Variants in IRAG1 observed in about 807,000 individuals in gnomAD.
IRAG1 encodes inositol 1,4,5-triphosphate receptor associated 1, also known as IP3R-associated cGMP kinase substrate.
IRAG1 carries 62 observed loss-of-function variants against 106.2 expected under a neutral mutation model. The ratio of observed to expected loss-of-function variants is 0.58; its 90% CI spans 0.48 to 0.72. The LOEUF is 0.72. Among genes scored for constraint, IRAG1 ranks in the 30% least tolerant of loss-of-function variants. The probability of loss-of-function intolerance (pLI) is 0.00; values close to 1 mark genes in which losing one functional copy is unlikely to be tolerated. For missense variants in IRAG1, 1,064 were observed against 1,140.7 expected (o/e 0.93, Z 0.97); for synonymous variants, 462 against 443.9 (o/e 1.04, Z -0.51).
chr11:10,690,128 C>T (rs1046282306), intron 1 of IRAG1: 3 of 227,660 alleles, frequency 1.3e-5, no homozygotes, highest in Non-Finnish European at 1.8e-5. Context: ...CGATGGCTCA[C>T]GCCTATAATC....
At chr11:10,597,842 T>G (rs1357853521) in intron 15 of IRAG1, among the ~76,000 whole-genome samples, 1 of 152,236 alleles carries the variant, frequency 6.6e-6, no homozygotes, top group Admixed American at 6.5e-5. Context: ...AGAGGAATCC[T>G]GTGTGTCCAG....
chr11:10,629,352 C>T (rs1026921496), intron 5 of IRAG1, among the ~76,000 whole-genome samples, 186 bp downstream of exon 5: 6 of 152,280 alleles, frequency 3.9e-5, no homozygotes, highest in Admixed American at 3.3e-4. Context: ...GCCTAGGATC[C>T]TTCCCAGCAC....
intron 18 of IRAG1, chr11:10,589,027 G>A (rs1308648376): frequency 6.6e-6 from 1 of 152,062 alleles, no homozygotes; most frequent in African/African-American, 2.4e-5. Flanking sequence ...AGGTTTCTAG[G>A]CCCTTGGTGA....
intron 18 of IRAG1, among the ~76,000 whole-genome samples, chr11:10,585,472 AGGCTG>A (rs980055631): frequency 1.3e-5 from 2 of 151,960 alleles, no homozygotes; most frequent in Admixed American, 1.3e-4. Context: ...CTCAAAAAGT[AGGCTG>A]AGGCATGAGA....
chr11:10,579,082 A>C (rs1851126693), intron 20 of IRAG1, among the ~76,000 whole-genome samples: 1 of 152,162 alleles, frequency 6.6e-6, no homozygotes, highest in African/African-American at 2.4e-5. Flanking sequence ...TAGGGATTGC[A>C]CTTTAATTGT....
chr11:10,680,042 G>A (rs1861022304), intron 1 of IRAG1, among the ~76,000 whole-genome samples: 2 of 151,966 alleles, frequency 1.3e-5, no homozygotes, highest in Admixed American at 6.6e-5. Flanking sequence ...GGGAGGCTCA[G>A]GCAGGTAGAT....
chr11:10,615,287 T>C (rs1457764613), intron 10 of IRAG1, among the ~76,000 whole-genome samples: 1 of 152,134 alleles, frequency 6.6e-6, no homozygotes, highest in African/African-American at 2.4e-5. Flanking sequence ...AAACAACAGG[T>C]GCTGGAGAGG....
At chr11:10,591,354 A>G (rs142105497) in intron 18 of IRAG1, among the ~76,000 whole-genome samples, 194 bp downstream of exon 18, 1 of 152,212 alleles carries the variant, frequency 6.6e-6, no homozygotes, top group African/African-American at 2.4e-5. Flanking sequence ...GGCCTCACTC[A>G]GGGCATCTTC....
intron 1 of IRAG1, among the ~76,000 whole-genome samples, chr11:10,667,984 T>C (rs1367148680): frequency 6.6e-6 from 1 of 152,188 alleles, no homozygotes. Context: ...TCTCTGTTTT[T>C]TCTCCAGCCA....
At chr11:10,662,416 T>C (rs993465454) in intron 1 of IRAG1, among the ~76,000 whole-genome samples, 6 of 152,334 alleles carry the variant, frequency 3.9e-5, no homozygotes, top group African/African-American at 1.2e-4. Flanking sequence ...ATTTCTCCCA[T>C]AGTATTCTAC....
chr11:10,671,569 G>T (rs1860225765), intron 1 of IRAG1, among the ~76,000 whole-genome samples: 1 of 152,014 alleles, frequency 6.6e-6, no homozygotes, highest in African/African-American at 2.4e-5. Flanking sequence ...AAAATTAGCA[G>T]GGCATGGTGG....
At chr11:10,630,944 G>T (rs1273836664) in intron 4 of IRAG1, among the ~76,000 whole-genome samples, 1 of 152,208 alleles carries the variant, frequency 6.6e-6, no homozygotes, top group Admixed American at 6.5e-5. Flanking sequence ...GGATTGGCTC[G>T]GGGATGGCCA....
At chr11:10,675,425 T>G (rs1860577976) in intron 1 of IRAG1, among the ~76,000 whole-genome samples, 1 of 152,138 alleles carries the variant, frequency 6.6e-6, no homozygotes, top group Non-Finnish European at 1.5e-5. Flanking sequence ...GTCCAAGAAC[T>G]TTAACCCTGC....
At chr11:10,693,401 C>A (rs1862215376) in intron 1 of IRAG1, 135 bp downstream of exon 1, 6 of 1,435,866 alleles carry the variant, frequency 4.2e-6, no homozygotes, top group Non-Finnish European at 5.5e-6. Context: ...GAAATGCCAC[C>A]CAACAAAGCC....
At chr11:10,662,308 C>T (rs1004594312) in intron 1 of IRAG1, among the ~76,000 whole-genome samples, 1 of 152,150 alleles carries the variant, frequency 6.6e-6, no homozygotes, top group African/African-American at 2.4e-5. Flanking sequence ...CTTGCCTGCC[C>T]TCATTCTCAT....
chr11:10,677,666 C>A (rs1258118915), intron 1 of IRAG1, among the ~76,000 whole-genome samples: 1 of 152,152 alleles, frequency 6.6e-6, no homozygotes. Flanking sequence ...TTGAAGTGTA[C>A]AATTCAGTGG....
rs551251525 is a variant in IRAG1 at position 10,644,716 on chromosome 11, G to C, written c.225+7309C>G. ...TCCCTACTCTACACAGTCCTTACCA[G>C]GTTCCAAGTGTTTTACATGCTTTAT... On this transcript the variant is annotated intron_variant, in intron 2 of 20. Coordinates refer to ENST00000423302, the MANE Select transcript of IRAG1 (RefSeq NM_130385.4). 9.8e-5 allele frequency among the ~76,000 whole-genome samples: 15 copies of C among 152,338 alleles called. No individual in the cohort carries two copies. In the East Asian group the frequency reaches 2.9e-3, roughly 29 times the overall value.
In IRAG1 at chr11:10,633,978, G is replaced by C. The variant is rs765007735; in HGVS notation, c.319C>G (p.Leu107Val). Residue 107 changes from leucine (L) to valine (V), a missense_variant, in exon 3 of 21, where the codon CTG becomes GTG. Transcript: ENST00000423302. ...TSPEGETDKN[L>V]ANRVHSPHKR... ...ATCAGGCACCTGTACCTGTTGGCCAGGTTTTTGTCGGTTTCTCCTTCTGGT... is the reference window on the plus strand; with the variant it reads ...ATCAGGCACCTGTACCTGTTGGCCACGTTTTTGTCGGTTTCTCCTTCTGGT... 1.9e-6 allele frequency: 3 copies of C among 1,610,520 alleles called. No individual in the cohort carries two copies. The highest frequency in any genetic ancestry group is 1.3e-5 in the African/African-American group (1 of 74,980).
intron 19 of IRAG1, 38 bp downstream of exon 19, chr11:10,581,829 C>T (rs1424905932): frequency 6.2e-7 from 1 of 1,602,138 alleles, no homozygotes; most frequent in Middle Eastern, 1.7e-4. Flanking sequence ...CTTCTGAGAA[C>T]TGCCAGGTGC....
Sources: gnomAD v4.1 joint callset for allele counts (sites outside exome capture counted in the v4.1 genomes callset) on GRCh38, gnomAD v4.1.1 for gene constraint, MANE v1.5 for transcripts, NCBI Gene and HGNC (gene_info 2026-07-23, HGNC 2026-07-21) for gene names.